NBAS: variants seen among roughly 807,000 people sequenced by gnomAD.
NBAS encodes NAG/BC035112 fusion.
NBAS carries 219 observed loss-of-function variants against 302.5 expected under a neutral mutation model. That is an observed-to-expected ratio of 0.72 (90% CI 0.65 to 0.81). The LOEUF (loss-of-function observed/expected upper bound fraction) is 0.81, where lower values mean the gene tolerates loss of function less well. Among genes scored for constraint, NBAS ranks in the 30% least tolerant of loss-of-function variants. The probability of loss-of-function intolerance (pLI) is 0.00; values close to 1 mark genes in which losing one functional copy is unlikely to be tolerated. For synonymous variants in NBAS, 1,118 were observed against 1,021.6 expected, an observed-to-expected ratio of 1.09 and a Z score of -1.80; for missense variants, 2,932 against 2,841.6, an observed-to-expected ratio of 1.03 and a Z score of -0.72.
At chr2:14,888,786 G>T in the NBAS span, among the ~76,000 whole-genome samples, 26 of 152,288 alleles carry the variant, frequency 1.7e-4, no homozygotes, top group East Asian at 4.8e-3. Context: ...CTGGCTGTCA[G>T]CTCCAAAGAG....
intron 29 of NBAS, among the ~76,000 whole-genome samples, chr2:15,382,491 A>G (rs1183857395): frequency 6.6e-6 from 1 of 152,212 alleles, no homozygotes; most frequent in Non-Finnish European, 1.5e-5. Flanking sequence ...ATAATTAGTG[A>G]GCTGAGTTCT....
chr2:15,433,737 G>C (rs1470425595), intron 21 of NBAS, among the ~76,000 whole-genome samples: 3 of 152,218 alleles, frequency 2.0e-5, no homozygotes, highest in Middle Eastern at 6.8e-3. Flanking sequence ...TTATTATAAA[G>C]GAGAACTAGT....
In NBAS at chr2:15,396,487, AAAG is replaced by A; in HGVS notation, c.3072-15_3072-13del. ...CCTCTGTCTTATCACTAATAAATTA[AAAG>A]AAGAAAAAAAAAAGCCCTTAAGTTT... On this transcript the variant is annotated splice_polypyrimidine_tract_variant and intron_variant, in intron 26 of 51. Transcript: ENST00000281513. 6.4e-7 allele frequency: 1 copy of A among 1,556,892 alleles called. No individual in the cohort carries two copies. Among genetic ancestry groups the A allele is most frequent in the South Asian group, 1.2e-5 (1 of 80,076 alleles).
intron 32 of NBAS, among the ~76,000 whole-genome samples, chr2:15,361,996 T>C (rs139916354): frequency 4.0e-5 from 6 of 151,564 alleles, no homozygotes; most frequent in East Asian, 1.9e-4. Context: ...AAAAAAAAAT[T>C]CCAGGAAAAA....
intron 21 of NBAS, among the ~76,000 whole-genome samples, chr2:15,434,246 TAAAC>T (rs769722250): frequency 2.0e-5 from 3 of 151,946 alleles, no homozygotes; most frequent in Non-Finnish European, 2.9e-5. Flanking sequence ...ACAAGAGAGA[TAAAC>T]AAAACAGATG....
chr2:15,373,192 GT>G (rs1674571028), intron 31 of NBAS, among the ~76,000 whole-genome samples: 1 of 152,062 alleles, frequency 6.6e-6, no homozygotes, highest in African/African-American at 2.4e-5. Flanking sequence ...CACATGAATT[GT>G]ACAAATGAAT....
At chr2:14,903,328 A>C in the NBAS span, among the ~76,000 whole-genome samples, 3 of 129,830 alleles carry the variant, frequency 2.3e-5, no homozygotes, top group Non-Finnish European at 4.9e-5. Flanking sequence ...TAAGCTTTGC[A>C]AAAAAAAAAA....
chr2:15,340,478 G>T (rs1672795768), intron 35 of NBAS, among the ~76,000 whole-genome samples: 1 of 152,170 alleles, frequency 6.6e-6, no homozygotes, highest in African/African-American at 2.4e-5. Flanking sequence ...GCTGAAATCA[G>T]TAGTTCAATT....
chr2:15,397,757 C>T, intron 26 of NBAS: 1 of 246,216 alleles, frequency 4.1e-6, no homozygotes, highest in Non-Finnish European at 7.8e-6. Flanking sequence ...TTTGGCATGA[C>T]CGTTGTTCCT....
chr2:15,349,754 G>T (rs914743697), intron 35 of NBAS, among the ~76,000 whole-genome samples: 1 of 152,178 alleles, frequency 6.6e-6, no homozygotes, highest in East Asian at 1.9e-4. Context: ...AGGAGTTCAA[G>T]ACCGGCCTGG....
the NBAS span, among the ~76,000 whole-genome samples, chr2:14,834,465 T>C: frequency 6.6e-6 from 1 of 152,156 alleles, no homozygotes; most frequent in Non-Finnish European, 1.5e-5. Flanking sequence ...TTTCTGCCTC[T>C]GAATTCATTT....
chr2:14,990,274 A>G, the NBAS span, among the ~76,000 whole-genome samples: 1 of 151,488 alleles, frequency 6.6e-6, no homozygotes, highest in African/African-American at 2.4e-5. Flanking sequence ...AAAAAAAAAA[A>G]AAAGCTGGGC....
the NBAS span, among the ~76,000 whole-genome samples, chr2:14,870,796 T>C: frequency 6.6e-6 from 1 of 151,922 alleles, no homozygotes; most frequent in Admixed American, 6.6e-5. Context: ...AATCAACCCA[T>C]GGAAGCAACC....
the NBAS span, among the ~76,000 whole-genome samples, chr2:14,875,016 G>C: frequency 6.6e-6 from 1 of 151,674 alleles, no homozygotes; most frequent in African/African-American, 2.4e-5. Context: ...TGAAAAAAGT[G>C]TAATCTACAA....
the NBAS span, among the ~76,000 whole-genome samples, chr2:14,885,607 C>T: frequency 3.2e-4 from 48 of 152,180 alleles, no homozygotes; most frequent in African/African-American, 1.1e-3. Context: ...ATTTAAAGTC[C>T]ACGGAGTGAC....
At chr2:14,892,839 C>T in the NBAS span, among the ~76,000 whole-genome samples, 1 of 152,090 alleles carries the variant, frequency 6.6e-6, no homozygotes, top group Non-Finnish European at 1.5e-5. Flanking sequence ...CTTATTTAGA[C>T]TTGTAGCAAG....
At chr2:15,323,361 C>T (rs1479448645) in intron 38 of NBAS, among the ~76,000 whole-genome samples, 1 of 152,110 alleles carries the variant, frequency 6.6e-6, no homozygotes, top group Non-Finnish European at 1.5e-5. Context: ...GAGTTTGAGC[C>T]TTAAGTTGAA....
At chr2:14,981,951 G>A in the NBAS span, among the ~76,000 whole-genome samples, 2 of 152,172 alleles carry the variant, frequency 1.3e-5, no homozygotes, top group African/African-American at 4.8e-5. Flanking sequence ...ATCAAAAGAT[G>A]TCTAATTTCC....
At chr2:15,145,356 A>G in the NBAS span, among the ~76,000 whole-genome samples, 15 of 151,930 alleles carry the variant, frequency 9.9e-5, no homozygotes, top group African/African-American at 3.6e-4. Flanking sequence ...GGCCACACAT[A>G]TGCCATTACA....
Sources: gnomAD v4.1 joint callset for allele counts (sites outside exome capture counted in the v4.1 genomes callset) on GRCh38, gnomAD v4.1.1 for gene constraint, MANE v1.5 for transcripts, NCBI Gene and HGNC (gene_info 2026-07-23, HGNC 2026-07-21) for gene names.